SMIM23: variants seen among roughly 807,000 people sequenced by gnomAD.
SMIM23 encodes the protein CTB-78H18.1.
Under a neutral mutation model 12.8 loss-of-function variants are expected in SMIM23, and 10 were observed. That is an observed-to-expected ratio of 0.78 (90% CI 0.48 to 1.32). The LOEUF (loss-of-function observed/expected upper bound fraction) is 1.32. Ranked by LOEUF, SMIM23 falls within the 40% of genes most tolerant of loss-of-function variation. SMIM23 has a pLI of 0.00. For missense variants in SMIM23, 184 were observed against 198.2 expected (o/e 0.93, Z 0.43); for synonymous variants, 78 against 80.1 (o/e 0.97, Z 0.14).
upstream of SMIM23, among the ~76,000 whole-genome samples, chr5:171,780,804 G>A (rs1276555512): frequency 6.6e-6 from 1 of 152,036 alleles, no homozygotes; most frequent in Non-Finnish European, 1.5e-5. Context: ...ACTGTCTTGG[G>A]TTGGACTCTT....
chr5:171,790,313 C>G, intron 2 of SMIM23, 32 bp downstream of exon 2: 1 of 1,534,968 alleles, frequency 6.5e-7, no homozygotes, highest in Middle Eastern at 1.7e-4. Flanking sequence ...AAAGAAGGAA[C>G]CAAATCCACA....
At chr5:171,786,440 A>G (rs2080407) in intron 1 of SMIM23, among the ~76,000 whole-genome samples, 10,574 of 152,174 alleles carry the variant, frequency 0.069, 1,076 homozygotes, top group African/African-American at 0.22. Flanking sequence ...AGATGCTATC[A>G]ACCTCGTTCA....
the SMIM23 span, among the ~76,000 whole-genome samples, chr5:171,776,487 C>T: frequency 0.013 from 1,979 of 152,258 alleles, 53 homozygotes; most frequent in African/African-American, 0.045. Context: ...CCGCGTTCAA[C>T]CAGGACTTCC....
At chr5:171,778,498 G>A (rs1342890910), upstream of SMIM23, among the ~76,000 whole-genome samples, 1 of 149,500 alleles carries the variant, frequency 6.7e-6, no homozygotes, top group Non-Finnish European at 1.5e-5. Context: ...CACACAGATA[G>A]AGACAGAGAG....
chr5:171,790,571 T>C, intron 3 of SMIM23, 22 bp downstream of exon 3: 1 of 1,534,678 alleles, frequency 6.5e-7, no homozygotes, highest in Non-Finnish European at 8.7e-7. Context: ...AGCAAGGTAC[T>C]GAGGTGAGGC....
upstream of SMIM23, among the ~76,000 whole-genome samples, chr5:171,780,176 T>C (rs1182796130): frequency 6.6e-6 from 1 of 152,152 alleles, no homozygotes; most frequent in African/African-American, 2.4e-5. Context: ...CAAGACTGAT[T>C]AGTTATTCCC....
chr5:171,784,362 G>A (rs193259796), upstream of SMIM23, among the ~76,000 whole-genome samples: 557 of 152,190 alleles, frequency 3.7e-3, 3 homozygotes, highest in African/African-American at 0.012. Flanking sequence ...AAAATTAGCC[G>A]GGTGTGGTGG....
At chr5:171,790,741 A>C (rs1755907315) in intron 3 of SMIM23, 54 bp from the exon 4 acceptor site, 1 of 1,525,568 alleles carries the variant, frequency 6.6e-7, no homozygotes, top group Admixed American at 2.0e-5. Flanking sequence ...GGGGATGGGG[A>C]GGAGGGTCCT....
In SMIM23 at chr5:171,790,632, A is replaced by G. The variant is rs554511304; in HGVS notation, c.225+83A>G. 2.4e-4 allele frequency: 335 copies of G among 1,424,202 alleles called. 2 individuals carry two copies. The African/African-American group carries it at 4.4e-3, about 19-fold the overall frequency. 88.2% of individuals were successfully genotyped at this position (1,424,202 alleles called of 1,614,324 possible). On this transcript the variant is annotated intron_variant, in intron 3 of 3. Transcript: ENST00000523047. ...GTGTCATTGGCAACATGGGTCATGA[A>G]AGATAAGTAGTCGCTTGTCAAGTGC...
chr5:171,787,004 CTTTTTTTTT>C (rs202159150), intron 1 of SMIM23, among the ~76,000 whole-genome samples: 40 of 71,286 alleles, frequency 5.6e-4, no homozygotes, highest in African/African-American at 1.0e-3. Context: ...CCATTGTTTC[CTTTTTTTTT>C]TTTTTTTTTT....
upstream of SMIM23, chr5:171,782,433 GAGAGTA>G (rs1209214276): frequency 6.6e-6 from 1 of 152,228 alleles, no homozygotes; most frequent in Admixed American, 6.5e-5. Context: ...ACTGGGTAAG[GAGAGTA>G]ACGTTCCCAA....
chr5:171,778,868 T>C (rs1054575613), upstream of SMIM23, among the ~76,000 whole-genome samples: 1 of 152,220 alleles, frequency 6.6e-6, no homozygotes. Context: ...AGTGTCTGCC[T>C]GTGGTATGCC....
chr5:171,785,868 G>A lies in SMIM23; in HGVS notation c.-4G>A. 6.5e-7 allele frequency: 1 copy of A among 1,535,924 alleles called. No homozygotes were observed. Among genetic ancestry groups the A allele is most frequent in the Non-Finnish European group, 8.7e-7 (1 of 1,146,680 alleles). ...GGTCCACCCAGGCAGCCAGATCTGA[G>A]GCCATGGCAACCCAGCAAGTGGACA... On this transcript the variant is annotated 5_prime_UTR_variant, in exon 1 of 4. Coordinates refer to ENST00000523047, the MANE Select transcript of SMIM23 (RefSeq NM_001289970.2).
chr5:171,776,068 G>C, the SMIM23 span, among the ~76,000 whole-genome samples: 18 of 152,184 alleles, frequency 1.2e-4, no homozygotes, highest in Middle Eastern at 3.4e-3. Flanking sequence ...ACGGGGTTTC[G>C]CCATGTTGGC....
At chr5:171,779,050 G>A (rs1191887473), upstream of SMIM23, among the ~76,000 whole-genome samples, 1 of 152,308 alleles carries the variant, frequency 6.6e-6, no homozygotes, top group African/African-American at 2.4e-5. Context: ...GGGCTGTTTC[G>A]AGGATTAGGG....
chr5:171,788,072 T>C (rs926335630), intron 1 of SMIM23, among the ~76,000 whole-genome samples: 1 of 151,502 alleles, frequency 6.6e-6, no homozygotes, highest in Non-Finnish European at 1.5e-5. Flanking sequence ...CTTGGGTGTG[T>C]AAGAAATTTA....
intron 3 of SMIM23, 39 bp from the exon 4 acceptor site, chr5:171,790,756 G>A (rs1413326504): frequency 2.0e-6 from 3 of 1,534,574 alleles, no homozygotes; most frequent in Admixed American, 3.9e-5. Flanking sequence ...GGTCCTATCT[G>A]AGAAAGCACA....
intron 1 of SMIM23, among the ~76,000 whole-genome samples, chr5:171,786,938 G>A (rs1055098480): frequency 6.8e-6 from 1 of 147,804 alleles, no homozygotes; most frequent in Admixed American, 6.8e-5. Flanking sequence ...CTGCAACAAA[G>A]AAGTCTGCAT....
chr5:171,790,099 T>C (rs1755893822), intron 1 of SMIM23, 131 bp from the exon 2 acceptor site: 2 of 846,876 alleles, frequency 2.4e-6, no homozygotes, highest in Non-Finnish European at 3.7e-6. Flanking sequence ...CTTAGATAAC[T>C]AGAACAAAAG....
Sources: allele counts gnomAD v4.1 joint callset (sites outside exome capture counted in the v4.1 genomes callset), GRCh38; gene constraint gnomAD v4.1.1; transcripts MANE v1.5; gene names NCBI Gene and HGNC (gene_info 2026-07-23, HGNC 2026-07-21).